GSK3B: variants seen among roughly 807,000 people sequenced by gnomAD.
The protein encoded by GSK3B is glycogen synthase kinase 3 beta, also known as glycogen synthase kinase-3 beta.
GSK3B carries 15 observed loss-of-function variants against 56.4 expected under a neutral mutation model. That is an observed-to-expected ratio of 0.27 (90% CI 0.18 to 0.41). The LOEUF is 0.41. Among genes scored for constraint, GSK3B ranks in the 10% least tolerant of loss-of-function variants. The probability of loss-of-function intolerance (pLI) is 1.00; values close to 1 mark genes in which losing one functional copy is unlikely to be tolerated. For synonymous variants in GSK3B, 181 were observed against 188.9 expected (o/e 0.96, Z 0.34); for missense variants, 300 against 513.4 (o/e 0.58, Z 4.02).
At chr3:120,057,567 A>C (rs550887175) in intron 1 of GSK3B, among the ~76,000 whole-genome samples, 38 of 152,318 alleles carry the variant, frequency 2.5e-4, no homozygotes, top group African/African-American at 9.1e-4. Context: ...ATCATCTGAT[A>C]ATTTTAAATG....
At chr3:120,065,553 G>A (rs1188926639) in intron 1 of GSK3B, among the ~76,000 whole-genome samples, 1 of 152,096 alleles carries the variant, frequency 6.6e-6, no homozygotes, top group South Asian at 2.1e-4. Flanking sequence ...AAAACAGTTT[G>A]GCAGTCCAGT....
At chr3:120,051,907 T>C (rs1046081356) in intron 1 of GSK3B, among the ~76,000 whole-genome samples, 1 of 152,254 alleles carries the variant, frequency 6.6e-6, no homozygotes, top group Admixed American at 6.5e-5. Context: ...AAGGTCTTTT[T>C]ACTAAACCAG....
chr3:119,869,492 A>C (rs1255433410), intron 8 of GSK3B, among the ~76,000 whole-genome samples: 1 of 152,198 alleles, frequency 6.6e-6, no homozygotes, highest in Admixed American at 6.5e-5. Flanking sequence ...TTTCGTTAAG[A>C]TACCAGTTCA....
chr3:119,901,136 T>C (rs1430467184), intron 7 of GSK3B, among the ~76,000 whole-genome samples: 1 of 152,170 alleles, frequency 6.6e-6, no homozygotes, highest in Non-Finnish European at 1.5e-5. Flanking sequence ...TTTGGCAAAA[T>C]TCCTGGTAGA....
At position 119,822,266 on chromosome 3, in the gene GSK3B, T is replaced by C. The variant is rs185634268; in HGVS notation, c.*4522A>G. On this transcript the variant is annotated 3_prime_UTR_variant, in exon 11 of 11. Transcript: ENST00000264235. ...CTTTATATATATATATATATATATA[T>C]AATAAATTTTGTTTTTTAGGTTTGT... 1 of 171,590 alleles carries C rather than the reference T, an allele frequency of 5.8e-6. No individual in the cohort carries two copies. Among genetic ancestry groups the C allele is most frequent in the Non-Finnish European group, 1.2e-5 (1 of 81,150 alleles). The allele number at this position is 171,590 out of a possible 1,614,324, so 10.6% of individuals were successfully genotyped here.
intron 1 of GSK3B, among the ~76,000 whole-genome samples, chr3:120,088,131 A>T (rs1346164608): frequency 1.3e-5 from 2 of 152,152 alleles, no homozygotes; most frequent in Non-Finnish European, 2.9e-5. Context: ...TGACCTCGTG[A>T]TCCACCCGCC....
At chr3:119,855,344 G>A (rs2056003091) in intron 9 of GSK3B, among the ~76,000 whole-genome samples, 1 of 152,192 alleles carries the variant, frequency 6.6e-6, no homozygotes, top group African/African-American at 2.4e-5. Flanking sequence ...TGCTGGAGAG[G>A]ATGTGGAAAA....
At chr3:119,957,332 A>C (rs750151559) in intron 2 of GSK3B, among the ~76,000 whole-genome samples, 2 of 152,196 alleles carry the variant, frequency 1.3e-5, no homozygotes, top group Non-Finnish European at 2.9e-5. Flanking sequence ...ACTTTTCCCA[A>C]TCAGTTACAC....
chr3:119,994,362 A>T (rs1051485125), intron 2 of GSK3B, among the ~76,000 whole-genome samples: 2 of 152,216 alleles, frequency 1.3e-5, no homozygotes, highest in Admixed American at 1.3e-4. Flanking sequence ...AAAGAATTAG[A>T]AAATCACCAT....
At chr3:119,935,933 GGTTT>G (rs1391731315) in intron 3 of GSK3B, among the ~76,000 whole-genome samples, 4 of 152,120 alleles carry the variant, frequency 2.6e-5, no homozygotes, top group African/African-American at 9.6e-5. Context: ...ATGTAAGGTA[GGTTT>G]AACATTCAAA....
chr3:119,892,140 T>C (rs562326837), intron 7 of GSK3B, among the ~76,000 whole-genome samples: 1 of 152,292 alleles, frequency 6.6e-6, no homozygotes, highest in East Asian at 1.9e-4. Context: ...TCGCCAAACT[T>C]CAGCAATAGA....
chr3:119,936,360 T>G (rs996471719), intron 3 of GSK3B, among the ~76,000 whole-genome samples: 2 of 146,226 alleles, frequency 1.4e-5, no homozygotes, highest in African/African-American at 5.1e-5. Flanking sequence ...ATATATTTTT[T>G]TTTTGAGACA....
intron 2 of GSK3B, among the ~76,000 whole-genome samples, chr3:119,993,209 A>T (rs933727688): frequency 6.6e-6 from 1 of 152,104 alleles, no homozygotes; most frequent in African/African-American, 2.4e-5. Flanking sequence ...AGGAAAAGTA[A>T]GCCAGAACAT....
chr3:120,029,149 G>A (rs1437410962), intron 1 of GSK3B: 10 of 694,994 alleles, frequency 1.4e-5, no homozygotes, highest in East Asian at 1.3e-4. Flanking sequence ...AAAAGCTGAC[G>A]GTTGGGATAG....
chr3:119,903,412 T>C (rs1358760379), intron 7 of GSK3B, among the ~76,000 whole-genome samples: 2 of 152,212 alleles, frequency 1.3e-5, no homozygotes, highest in Admixed American at 6.5e-5. Context: ...GATGACAGCA[T>C]AGCACATAAA....
At chr3:119,835,540 C>T (rs2055677670) in intron 10 of GSK3B, among the ~76,000 whole-genome samples, 1 of 152,176 alleles carries the variant, frequency 6.6e-6, no homozygotes. Flanking sequence ...AAACATGTCT[C>T]TCTGCCCATT....
intron 3 of GSK3B, among the ~76,000 whole-genome samples, chr3:119,941,014 A>AT (rs201037934): frequency 0.023 from 3,158 of 138,848 alleles, 80 homozygotes; most frequent in African/African-American, 0.061. Context: ...ATTACTACTA[A>AT]TTTTTTTTTT....
intron 9 of GSK3B, among the ~76,000 whole-genome samples, chr3:119,861,949 A>C (rs1467430718): frequency 6.6e-6 from 1 of 152,216 alleles, no homozygotes; most frequent in Non-Finnish European, 1.5e-5. Flanking sequence ...CACAGAGACC[A>C]CACACTGTAT....
At chr3:120,039,325 C>A (rs965011281) in intron 1 of GSK3B, among the ~76,000 whole-genome samples, 1 of 152,188 alleles carries the variant, frequency 6.6e-6, no homozygotes, top group Non-Finnish European at 1.5e-5. Flanking sequence ...CACACAATCC[C>A]AGCAATCACA....
Sources: gnomAD v4.1 joint callset for allele counts (sites outside exome capture counted in the v4.1 genomes callset) on GRCh38, gnomAD v4.1.1 for gene constraint, MANE v1.5 for transcripts, NCBI Gene and HGNC (gene_info 2026-07-23, HGNC 2026-07-21) for gene names.